The following HDAC9 variants were observed in gnomAD, a reference collection of about 807,000 sequenced individuals.
HDAC9 encodes histone deacetylase 9.
A neutral mutation model predicts 139.4 loss-of-function variants in HDAC9; 41 were observed. That is an observed-to-expected ratio of 0.29 (90% confidence interval 0.23 to 0.38). HDAC9 has a LOEUF of 0.38. Ranked by LOEUF, HDAC9 falls within the 10% of genes least tolerant of loss-of-function variation. HDAC9 has a pLI of 1.00. For synonymous variants in HDAC9, 517 were observed against 476.2 expected, an observed-to-expected ratio of 1.09 and a Z score of -1.12; for missense variants, 1,147 against 1,297.0, an observed-to-expected ratio of 0.88 and a Z score of 1.78.
chr7:18,526,327 G>A (rs1806902626), intron 2 of HDAC9, among the ~76,000 whole-genome samples: 1 of 152,104 alleles, frequency 6.6e-6, no homozygotes, highest in Non-Finnish European at 1.5e-5. Flanking sequence ...TGTGAACACT[G>A]CAAAGTAAAC....
chr7:18,682,276 G>A (rs546504201), intron 12 of HDAC9, among the ~76,000 whole-genome samples: 1 of 152,028 alleles, frequency 6.6e-6, no homozygotes, highest in African/African-American at 2.4e-5. Context: ...CTCTTCTAAT[G>A]CTTTCTGTCA....
In HDAC9 at chr7:18,605,452, C is replaced by T. The variant is rs947068767; in HGVS notation, c.664+11423C>T. Among the ~76,000 whole-genome samples the T allele has an allele frequency of 1.3e-4, 20 of 152,108 alleles. 1 individual carries two copies. The highest frequency in any genetic ancestry group is 4.8e-4 in the African/African-American group (20 of 41,396). Reference sequence around the variant, plus strand: ...AAAATATTTTCCCTTGGAGAGTAGGCTGTTGTTATGAAGAATCCTTCGTGT... The same window carrying T: ...AAAATATTTTCCCTTGGAGAGTAGGTTGTTGTTATGAAGAATCCTTCGTGT... On this transcript the variant is annotated intron_variant, in intron 6 of 25. Transcript: ENST00000686413.
chr7:18,819,357 C>T (rs1480659801), intron 17 of HDAC9, among the ~76,000 whole-genome samples: 2 of 152,206 alleles, frequency 1.3e-5, no homozygotes, highest in Non-Finnish European at 2.9e-5. Flanking sequence ...GATTTGCTTA[C>T]TGCCTGCCCT....
intron 1 of HDAC9, among the ~76,000 whole-genome samples, chr7:18,438,479 A>G (rs1386325040): frequency 6.6e-6 from 1 of 152,164 alleles, no homozygotes; most frequent in East Asian, 1.9e-4. Context: ...ATATTTATAC[A>G]TTTCTTCAGA....
intron 2 of HDAC9, among the ~76,000 whole-genome samples, chr7:18,258,347 G>T (rs1444175503): frequency 6.6e-6 from 1 of 152,148 alleles, no homozygotes; most frequent in Non-Finnish European, 1.5e-5. Context: ...TTTTATTTCA[G>T]TAGGCTTTTG....
At chr7:18,705,869 T>G (rs142901497) in intron 12 of HDAC9, among the ~76,000 whole-genome samples, 2,567 of 109,046 alleles carry the variant, frequency 0.024, 209 homozygotes, top group African/African-American at 0.1. Context: ...AAAAATAAAA[T>G]AAAATAAAAT....
chr7:18,473,641 T>A (rs1305043268), intron 1 of HDAC9, among the ~76,000 whole-genome samples: 1 of 152,210 alleles, frequency 6.6e-6, no homozygotes, highest in Non-Finnish European at 1.5e-5. Flanking sequence ...AAAACATACA[T>A]CGAGTGGTCT....
rs1424121641 is a variant in HDAC9 at position 18,162,398 on chromosome 7, G to A, written c.25+49G>A. ...TGTTAATAGACTTCATGTGAAAGAT[G>A]TTGCTTTGTGTTGTTTCAAACCAAG... On this transcript the variant is annotated intron_variant, in intron 2 of 12. Transcript: ENST00000417496. The A allele has an allele frequency of 3.4e-6, 5 of 1,466,944 alleles. No individual in the cohort carries two copies. In the Admixed American group the frequency reaches 1.0e-4, roughly 30 times the overall value. 90.9% of individuals were successfully genotyped at this position (1,466,944 alleles called of 1,614,324 possible).
chr7:18,297,986 G>T (rs1229831816), intron 1 of HDAC9, among the ~76,000 whole-genome samples: 2 of 152,136 alleles, frequency 1.3e-5, no homozygotes, highest in Admixed American at 6.5e-5. Flanking sequence ...AAATGTTACA[G>T]CTCTAAATTC....
At position 19,000,189 on chromosome 7, in the gene HDAC9, CT is replaced by C. The variant is rs1786683401; in HGVS notation, c.*4129del. On this transcript the variant is annotated 3_prime_UTR_variant, in exon 26 of 26. Coordinates refer to ENST00000686413, the MANE Select transcript of HDAC9 (RefSeq NM_178425.4). ...CATGGTCATGATCATCATCAAATTT[CT>C]TGTTTCCAAAGGCCACTATTGTAGT... 1 of 152,176 alleles carries C rather than the reference CT, an allele frequency of 6.6e-6. No individual in the cohort carries two copies. The highest frequency in any genetic ancestry group is 2.4e-5 in the African/African-American group (1 of 41,446). The allele number at this position is 152,176 out of a possible 1,614,324, so 9.4% of individuals were successfully genotyped here. A position where few individuals can be genotyped will look rare whatever the true frequency, so the allele number is the denominator to read the frequency against.
At chr7:18,854,125 C>G (rs1021540596) in intron 21 of HDAC9, among the ~76,000 whole-genome samples, 4 of 152,158 alleles carry the variant, frequency 2.6e-5, no homozygotes, top group Admixed American at 6.6e-5. Flanking sequence ...TTTTAAAAAT[C>G]TTTCTGTTCA....
At chr7:18,382,378 G>A (rs1481238028) in intron 1 of HDAC9, among the ~76,000 whole-genome samples, 1 of 152,184 alleles carries the variant, frequency 6.6e-6, no homozygotes, top group Non-Finnish European at 1.5e-5. Context: ...TATTGTGTCA[G>A]GAAGAAAACC....
At chr7:18,093,083 T>C (rs1782269027) in intron 1 of HDAC9, among the ~76,000 whole-genome samples, 1 of 152,140 alleles carries the variant, frequency 6.6e-6, no homozygotes, top group Non-Finnish European at 1.5e-5. Flanking sequence ...GGGTGCTATG[T>C]AGTGGGTTGG....
intron 1 of HDAC9, among the ~76,000 whole-genome samples, chr7:18,358,852 C>T (rs759671773): frequency 1.8e-4 from 27 of 152,126 alleles, no homozygotes; most frequent in Non-Finnish European, 2.6e-4. Context: ...ATAATAACCA[C>T]GTTAGAAGAA....
At chr7:18,743,384 T>C (rs759957769) in intron 13 of HDAC9, among the ~76,000 whole-genome samples, 34 of 152,174 alleles carry the variant, frequency 2.2e-4, no homozygotes, top group Non-Finnish European at 3.5e-4. Flanking sequence ...AGCTGTAAGG[T>C]TTAGAAAATG....
At chr7:18,266,099 G>A (rs903178620) in intron 2 of HDAC9, among the ~76,000 whole-genome samples, 1 of 151,898 alleles carries the variant, frequency 6.6e-6, no homozygotes, top group Non-Finnish European at 1.5e-5. Flanking sequence ...CTGGTCATTT[G>A]GAAAAAATGT....
intron 6 of HDAC9, among the ~76,000 whole-genome samples, chr7:18,610,937 C>T (rs890743476): frequency 2.0e-5 from 3 of 152,126 alleles, no homozygotes; most frequent in African/African-American, 7.2e-5. Context: ...GGGGCCTCAA[C>T]AGTGCAAATG....
At chr7:18,163,401 A>G (rs956126100) in intron 2 of HDAC9, among the ~76,000 whole-genome samples, 6 of 152,162 alleles carry the variant, frequency 3.9e-5, no homozygotes, top group Non-Finnish European at 5.9e-5. Flanking sequence ...CTGAGTCTTT[A>G]TTGCCTAGTG....
intron 16 of HDAC9, among the ~76,000 whole-genome samples, chr7:18,769,479 A>G (rs983198898): frequency 3.3e-5 from 5 of 152,074 alleles, no homozygotes; most frequent in African/African-American, 4.8e-5. Context: ...GGAGCCCTGC[A>G]TTGTTAGTTT....
Sources: gnomAD v4.1 joint callset for allele counts (sites outside exome capture counted in the v4.1 genomes callset) on GRCh38, gnomAD v4.1.1 for gene constraint, MANE v1.5 for transcripts, NCBI Gene and HGNC (gene_info 2026-07-23, HGNC 2026-07-21) for gene names.